Variants in SERPINB11 observed in about 807,000 individuals in gnomAD.
SERPINB11 encodes the protein serpin B11.
In SERPINB11, 32 loss-of-function variants were observed where a neutral mutation model predicts 36.7. The observed-to-expected ratio is 0.87, with a 90% CI of 0.66 to 1.17. The LOEUF (loss-of-function observed/expected upper bound fraction) is 1.17, where lower values mean the gene tolerates loss of function less well. SERPINB11 is among the 50% of genes most tolerant of loss of function. The pLI is 0.00. For missense variants in SERPINB11, 528 were observed against 458.4 expected, an observed-to-expected ratio of 1.15 and a Z score of -1.39; for synonymous variants, 174 against 168.1, an observed-to-expected ratio of 1.04 and a Z score of -0.27.
At position 63,723,017 on chromosome 18, in the gene SERPINB11, G is replaced by A. The variant is rs1914855582; in HGVS notation, c.797G>A (p.Gly266Glu). 6.3e-7 allele frequency: 1 copy of A among 1,579,588 alleles called. No individual in the cohort carries two copies. Among genetic ancestry groups the A allele is most frequent in the African/African-American group, 1.4e-5 (1 of 73,734 alleles). Reference sequence around the variant, plus strand: ...TAGATAGAAAAGCAGCTGAATTCGGGGACGTTTCATGAGTGGACAAGCTCT... The same window carrying A: ...TAGATAGAAAAGCAGCTGAATTCGGAGACGTTTCATGAGTGGACAAGCTCT... ...LKQIEKQLNS[G>E]TFHEWTSSSN... The change falls in exon 8 of 8, where the codon GGG (glycine) becomes GAG (glutamate). Residue 266 changes from glycine to glutamate, a missense_variant. Physicochemically the swap from Gly to Glu is moderately conservative, Grantham distance 98. Transcript: ENST00000544088.
intron 5 of SERPINB11, among the ~76,000 whole-genome samples, chr18:63,719,755 C>A (rs916866001): frequency 6.6e-6 from 1 of 152,012 alleles, no homozygotes; most frequent in Non-Finnish European, 1.5e-5. Flanking sequence ...AGGCATAAGA[C>A]AAATTGATCC....
intron 2 of SERPINB11, among the ~76,000 whole-genome samples, 175 bp downstream of exon 2, chr18:63,710,536 G>A (rs1190689600): frequency 6.6e-6 from 1 of 152,172 alleles, no homozygotes; most frequent in Non-Finnish European, 1.5e-5. Context: ...AATGGAGTAT[G>A]CTGTAATGCA....
At chr18:63,714,035 AT>A (rs1386692195) in intron 4 of SERPINB11, among the ~76,000 whole-genome samples, 4 of 152,150 alleles carry the variant, frequency 2.6e-5, no homozygotes, top group Non-Finnish European at 4.4e-5. Flanking sequence ...CTCATAGTAT[AT>A]TGGGGGAACC....
intron 5 of SERPINB11, among the ~76,000 whole-genome samples, chr18:63,717,465 G>A (rs1159590115): frequency 2.0e-5 from 3 of 152,002 alleles, no homozygotes; most frequent in African/African-American, 7.2e-5. Context: ...TTCTTAAGTG[G>A]TTGTGTCAAT....
intron 7 of SERPINB11, among the ~76,000 whole-genome samples, chr18:63,722,780 G>A (rs1034090610): frequency 2.0e-5 from 3 of 152,152 alleles, no homozygotes; most frequent in African/African-American, 7.2e-5. Context: ...ACCTACTTGA[G>A]AAGCTTAATT....
chr18:63,710,340 G>A lies in SERPINB11; in HGVS notation c.147G>A (p.Glu49=). The change falls in exon 2 of 8, where the codon GAG becomes GAA. Residue 49 remains glutamate, a synonymous_variant. Transcript: ENST00000544088. The part of the protein sequence containing the change: ...LSMVLLGARG[E]TEEQLEKVLH... ...TGGTCCTCCTTGGTGCCAGGGGAGAGACTGAAGAGCAATTGGAGAAGGTAT... is the reference window on the plus strand; with the variant it reads ...TGGTCCTCCTTGGTGCCAGGGGAGAAACTGAAGAGCAATTGGAGAAGGTAT... 1 of 1,612,652 alleles carries A rather than the reference G, an allele frequency of 6.2e-7. No homozygotes were observed. Among genetic ancestry groups the A allele is most frequent in the Non-Finnish European group, 8.5e-7 (1 of 1,179,318 alleles).
Position 63,723,653 on chromosome 18 carries a change from G to A in SERPINB11, c.*254G>A. 2.5e-6 allele frequency: 1 copy of A among 393,708 alleles called. No homozygotes were observed. Among genetic ancestry groups the A allele is most frequent in the Non-Finnish European group, 4.5e-6 (1 of 222,306 alleles). 24.4% of individuals were successfully genotyped at this position (393,708 alleles called of 1,614,324 possible). A position where few individuals can be genotyped will look rare whatever the true frequency, so the allele number is the denominator to read the frequency against. On this transcript the variant is annotated 3_prime_UTR_variant, in exon 8 of 8. Transcript: ENST00000544088. The stretch of plus-strand genomic sequence containing the variant: ...ATCTGTGGTGTCTCATTTGAGTGCT[G>A]TCCAGTGACATGATCAAGTCAATGA...
intron 1 of SERPINB11, among the ~76,000 whole-genome samples, chr18:63,705,107 C>T (rs1303632221): frequency 6.6e-6 from 1 of 152,270 alleles, no homozygotes; most frequent in Admixed American, 6.5e-5. Context: ...CAGGGTCTTA[C>T]TCTGTCTCCC....
At chr18:63,721,053 C>A in intron 7 of SERPINB11, 67 bp downstream of exon 7, 1 of 1,254,222 alleles carries the variant, frequency 8.0e-7, no homozygotes, top group Non-Finnish European at 1.1e-6. Flanking sequence ...CACACACAGA[C>A]ACACTGTGTA....
In SERPINB11 at chr18:63,720,580, A is replaced by T. The variant is rs1384733118; in HGVS notation, c.619-251A>T. 40 of 409,032 alleles carry T rather than the reference A, an allele frequency of 9.8e-5. No homozygotes were observed. The East Asian group carries it at 1.7e-3, about 17-fold the overall frequency. 25.3% of individuals were successfully genotyped at this position (409,032 alleles called of 1,614,324 possible). On this transcript the variant is annotated intron_variant, in intron 6 of 7. Coordinates refer to ENST00000544088, the MANE Select transcript of SERPINB11 (RefSeq NM_001370475.1). ...AAAATCATGTTAGCTAAAAATCCTG[A>T]CTTTGTTTTTGGTAGACCAAGCTAT... is the stretch of plus-strand genomic sequence containing the variant.
intron 1 of SERPINB11, among the ~76,000 whole-genome samples, chr18:63,706,350 A>G (rs1437657893): frequency 1.3e-5 from 2 of 152,234 alleles, no homozygotes; most frequent in Non-Finnish European, 2.9e-5. Flanking sequence ...ACAAACAAGG[A>G]CATATCCCAG....
chr18:63,710,129 A>C, intron 1 of SERPINB11, 50 bp from the exon 2 acceptor site: 1 of 1,427,938 alleles, frequency 7.0e-7, no homozygotes, highest in Non-Finnish European at 9.5e-7. Context: ...TCCAGATACT[A>C]TCTGTAACTT....
At chr18:63,721,644 G>A (rs1914816071) in intron 7 of SERPINB11, among the ~76,000 whole-genome samples, 2 of 152,166 alleles carry the variant, frequency 1.3e-5, no homozygotes, top group South Asian at 2.1e-4. Flanking sequence ...TGAAAACACT[G>A]TGGCACAGGT....
intron 2 of SERPINB11, 102 bp from the exon 3 acceptor site, chr18:63,711,233 T>G (rs1447207517): frequency 1.2e-6 from 1 of 808,446 alleles, no homozygotes; most frequent in Non-Finnish European, 2.1e-6. Context: ...CTATCACTAC[T>G]GATCTTGATC....
chr18:63,721,115 T>C, intron 7 of SERPINB11, 129 bp downstream of exon 7: 1 of 927,326 alleles, frequency 1.1e-6, no homozygotes, highest in Non-Finnish European at 1.6e-6. Flanking sequence ...TTAGTAGGAT[T>C]GTCCCGGGGG....
At chr18:63,704,117 A>G (rs1481323391) in intron 1 of SERPINB11, among the ~76,000 whole-genome samples, 5 of 152,224 alleles carry the variant, frequency 3.3e-5, no homozygotes, top group Non-Finnish European at 7.3e-5. Flanking sequence ...GCTAAGCAAC[A>G]TTAATTAGAC....
At chr18:63,720,268 G>A (rs1315765176) in intron 6 of SERPINB11, 113 bp downstream of exon 6, 1 of 937,772 alleles carries the variant, frequency 1.1e-6, no homozygotes, top group Admixed American at 3.1e-5. Context: ...GGTTTCTGTT[G>A]GTTCTTTTTA....
At chr18:63,715,346 G>T (rs1030324892) in intron 4 of SERPINB11, among the ~76,000 whole-genome samples, 1 of 152,226 alleles carries the variant, frequency 6.6e-6, no homozygotes, top group Admixed American at 6.5e-5. Context: ...GTCATAAATT[G>T]TTGCTCCAGA....
chr18:63,722,870 T>C, intron 7 of SERPINB11, 125 bp from the exon 8 acceptor site: 1 of 923,274 alleles, frequency 1.1e-6, no homozygotes, highest in South Asian at 2.2e-5. Context: ...GTAAGTAGAC[T>C]GTATTAAAGG....
Sources: allele counts gnomAD v4.1 joint callset (sites outside exome capture counted in the v4.1 genomes callset), GRCh38; gene constraint gnomAD v4.1.1; transcripts MANE v1.5; gene names NCBI Gene and HGNC (gene_info 2026-07-23, HGNC 2026-07-21).